Variants in ADGRL3 observed in about 807,000 individuals in gnomAD.
ADGRL3 encodes the protein calcium-independent alpha-latrotoxin receptor 3.
ADGRL3 carries 62 observed loss-of-function variants against 153.5 expected under a neutral mutation model. The ratio of observed to expected loss-of-function variants is 0.40; its 90% CI spans 0.33 to 0.50. The LOEUF (loss-of-function observed/expected upper bound fraction) is 0.50, where lower values mean the gene tolerates loss of function less well. ADGRL3 is among the 20% of genes least tolerant of loss of function. The probability of loss-of-function intolerance (pLI) is 0.47; values close to 1 mark genes in which losing one functional copy is unlikely to be tolerated. For missense variants in ADGRL3, 1,641 were observed against 1,859.4 expected (o/e 0.88, Z 2.16); for synonymous variants, 710 against 672.5 (o/e 1.06, Z -0.86).
chr4:61,695,227 T>G (rs1048287881), intron 6 of ADGRL3, among the ~76,000 whole-genome samples: 4 of 152,208 alleles, frequency 2.6e-5, no homozygotes, highest in African/African-American at 9.7e-5. Flanking sequence ...AATCACTGTT[T>G]TTGGCATCTA....
At chr4:62,006,067 G>C (rs968896778) in intron 21 of ADGRL3, among the ~76,000 whole-genome samples, 1 of 104,706 alleles carries the variant, frequency 9.6e-6, no homozygotes, top group Admixed American at 1.3e-4. Context: ...TTTTGCTCTT[G>C]TTGCCCAGGC....
At chr4:61,469,475 T>C (rs1474829263) in intron 2 of ADGRL3, among the ~76,000 whole-genome samples, 2 of 151,988 alleles carry the variant, frequency 1.3e-5, no homozygotes, top group Non-Finnish European at 2.9e-5. Context: ...CTTAGAAGCA[T>C]TGGTCAGTTT....
intron 9 of ADGRL3, among the ~76,000 whole-genome samples, chr4:61,835,337 GAAAAAAAAAA>G (rs34440166): frequency 6.0e-5 from 2 of 33,058 alleles, no homozygotes; most frequent in Non-Finnish European, 1.2e-4. Flanking sequence ...TGGCAAGACT[GAAAAAAAAAA>G]AAAAAAAAAA....
intron 1 of ADGRL3, among the ~76,000 whole-genome samples, chr4:61,248,259 T>C (rs1757867095): frequency 6.6e-6 from 1 of 152,104 alleles, no homozygotes; most frequent in Non-Finnish European, 1.5e-5. Flanking sequence ...GGTGAGTTAT[T>C]GAAATGCTTC....
intron 1 of ADGRL3, among the ~76,000 whole-genome samples, chr4:61,303,108 A>T (rs2094637352): frequency 6.6e-6 from 1 of 152,180 alleles, no homozygotes; most frequent in Non-Finnish European, 1.5e-5. Flanking sequence ...GTGACTATCC[A>T]AATTTAGAAC....
In ADGRL3 at chr4:61,485,875, A is replaced by C. The variant is rs983946768; in HGVS notation, c.-173-11246A>C. Among the ~76,000 whole-genome samples, 6 of 152,052 alleles carry C rather than the reference A, an allele frequency of 3.9e-5. No homozygotes were observed. The South Asian group carries it at 1.2e-3, about 32-fold the overall frequency. On this transcript the variant is annotated intron_variant, in intron 2 of 26. Transcript: ENST00000683033. ...AGCTTAATAGGATTTGGATTATTTA[A>C]GAAGATATTTAAAGCTCATTAGTCT...
chr4:61,489,966 A>G (rs1460167152), intron 2 of ADGRL3, among the ~76,000 whole-genome samples: 6 of 152,122 alleles, frequency 3.9e-5, no homozygotes, highest in Admixed American at 1.3e-4. Flanking sequence ...AAATGAATTT[A>G]TATTCCTTGG....
At chr4:61,347,058 T>C (rs1335358814) in intron 1 of ADGRL3, among the ~76,000 whole-genome samples, 1 of 152,056 alleles carries the variant, frequency 6.6e-6, no homozygotes, top group Non-Finnish European at 1.5e-5. Context: ...TAGAGCTTCT[T>C]GTAAGTGTAT....
intron 1 of ADGRL3, among the ~76,000 whole-genome samples, chr4:61,271,794 A>G (rs913095196): frequency 3.3e-5 from 5 of 152,028 alleles, no homozygotes; most frequent in Non-Finnish European, 7.4e-5. Flanking sequence ...GAACATCTCT[A>G]GGCTTCTCTT....
In ADGRL3 at chr4:61,432,656, T is replaced by TTCTCTTTC. The variant is rs2097385424; in HGVS notation, c.-174+49468_-174+49469insCTCTTTCT. ...TTTCTTTCTTTCTTTCTTTCTTTCTTTTTTTTTTTTTTTTGAGACAGAATT... is the reference window on the plus strand; with the variant it reads ...TTTCTTTCTTTCTTTCTTTCTTTCTTTCTCTTTCTTTTTTTTTTTTTTGAGACAGAATT... On this transcript the variant is annotated intron_variant, in intron 2 of 26. Coordinates refer to ENST00000683033, the MANE Select transcript of ADGRL3 (RefSeq NM_001387552.1). Among the ~76,000 whole-genome samples, 3 of 46,484 alleles carry TTCTCTTTC rather than the reference T, an allele frequency of 6.5e-5. 1 individual carries two copies. The highest frequency in any genetic ancestry group is 3.2e-4 in the East Asian group (1 of 3,174). 30.5% of individuals were successfully genotyped at this position (46,484 alleles called of 152,430 possible). A position where few individuals can be genotyped will look rare whatever the true frequency, so the allele number is the denominator to read the frequency against.
intron 9 of ADGRL3, among the ~76,000 whole-genome samples, chr4:61,860,615 A>G (rs1272927194): frequency 6.6e-6 from 1 of 151,822 alleles, no homozygotes; most frequent in Non-Finnish European, 1.5e-5. Context: ...ATTCTTATCC[A>G]CTCTACTCCA....
In ADGRL3 at chr4:61,983,391, T is replaced by C; in HGVS notation, c.3024T>C (p.Cys1008=). The change falls in exon 19 of 27, where the codon TGT becomes TGC. Residue 1008 remains cysteine, a synonymous_variant. Coordinates refer to ENST00000683033, the MANE Select transcript of ADGRL3 (RefSeq NM_001387552.1). ...TTTGTTCCTTTTCCTAGATTGCCTG[T>C]GCTGTTTTCGCTGCCCTGTTACATT... ...GINRTDQPIA[C]AVFAALLHFF... is the part of the protein sequence containing the mutation. 5 of 1,613,552 alleles carry C rather than the reference T, an allele frequency of 3.1e-6. No individual in the cohort carries two copies. Among genetic ancestry groups the C allele is most frequent in the Non-Finnish European group, 4.2e-6 (5 of 1,179,610 alleles).
At chr4:61,415,714 C>T (rs975162578) in intron 2 of ADGRL3, among the ~76,000 whole-genome samples, 1 of 151,928 alleles carries the variant, frequency 6.6e-6, no homozygotes, top group Non-Finnish European at 1.5e-5. Flanking sequence ...TTTGTTTTCT[C>T]CTCTTCTACC....
intron 1 of ADGRL3, among the ~76,000 whole-genome samples, chr4:61,370,560 T>G (rs2096500483): frequency 5.9e-5 from 9 of 152,228 alleles, no homozygotes. Flanking sequence ...TTCTTAATCC[T>G]GAGTTCTAGT....
At chr4:61,824,016 C>T (rs1400965176) in intron 9 of ADGRL3, among the ~76,000 whole-genome samples, 1 of 151,982 alleles carries the variant, frequency 6.6e-6, no homozygotes, top group Admixed American at 6.6e-5. Context: ...GAGCCCAGAT[C>T]GTACCACTGC....
Position 61,946,898 on chromosome 4 carries a change from T to A in ADGRL3, c.2420-16T>A, listed in dbSNP as rs2098927408. 3.8e-6 allele frequency: 6 copies of A among 1,596,394 alleles called. No homozygotes were observed. In the South Asian group the frequency reaches 6.6e-5, roughly 18 times the overall value. Reference sequence around the variant, plus strand: ...AGTAGAGTGGACAAACTAATCAGAGTTTGCATTTACTTTAGGAGAGATCAG... The same window carrying A: ...AGTAGAGTGGACAAACTAATCAGAGATTGCATTTACTTTAGGAGAGATCAG... On this transcript the variant is annotated splice_polypyrimidine_tract_variant and intron_variant, in intron 15 of 26. Coordinates refer to ENST00000683033, the MANE Select transcript of ADGRL3 (RefSeq NM_001387552.1).
intron 1 of ADGRL3, among the ~76,000 whole-genome samples, chr4:61,328,460 G>A (rs1018049334): frequency 8.5e-5 from 13 of 152,072 alleles, no homozygotes; most frequent in African/African-American, 3.1e-4. Context: ...TGCAATGAAA[G>A]GAAAAGGCAG....
intron 5 of ADGRL3, among the ~76,000 whole-genome samples, chr4:61,668,825 C>T (rs1053605757): frequency 6.6e-6 from 1 of 152,066 alleles, no homozygotes; most frequent in Non-Finnish European, 1.5e-5. Flanking sequence ...TGAGACCAGC[C>T]TAGGTAACAC....
chr4:61,538,902 T>C (rs1286025229), intron 4 of ADGRL3, among the ~76,000 whole-genome samples: 1 of 152,120 alleles, frequency 6.6e-6, no homozygotes, highest in Non-Finnish European at 1.5e-5. Context: ...GCAGGGGTGG[T>C]AGGTGTGGGT....
Sources: allele counts gnomAD v4.1 joint callset (sites outside exome capture counted in the v4.1 genomes callset), GRCh38; gene constraint gnomAD v4.1.1; transcripts MANE v1.5; gene names NCBI Gene and HGNC (gene_info 2026-07-23, HGNC 2026-07-21).